BAZ2B: variants seen among roughly 807,000 people sequenced by gnomAD.
BAZ2B encodes bromodomain adjacent to zinc finger domain protein 2B.
In BAZ2B, 91 loss-of-function variants were observed where a neutral mutation model predicts 246.0. That is an observed-to-expected ratio of 0.37 (90% confidence interval 0.31 to 0.44). BAZ2B has a LOEUF of 0.44. Ranked by LOEUF, BAZ2B falls within the 20% of genes least tolerant of loss-of-function variation. The pLI, the probability that BAZ2B is intolerant of heterozygous loss-of-function variation, is 1.00. For missense variants in BAZ2B, 2,332 were observed against 2,533.7 expected (o/e 0.92, Z 1.71); for synonymous variants, 855 against 860.0 (o/e 0.99, Z 0.10).
At chr2:159,495,428 T>G in intron 2 of BAZ2B, among the ~76,000 whole-genome samples, 4 of 124,404 alleles carry the variant, frequency 3.2e-5, no homozygotes, top group African/African-American at 1.3e-4. Flanking sequence ...GAGCTTGCAG[T>G]GAGCCGAGAT....
intron 1 of BAZ2B, among the ~76,000 whole-genome samples, chr2:159,608,614 A>G (rs1230378057): frequency 6.6e-6 from 1 of 152,234 alleles, no homozygotes; most frequent in Non-Finnish European, 1.5e-5. Context: ...GAAATAAATG[A>G]AAGGACAATA....
intron 27 of BAZ2B, among the ~76,000 whole-genome samples, chr2:159,369,074 C>T (rs968002): frequency 0.66 from 100,332 of 151,928 alleles, 35,365 homozygotes; most frequent in Non-Finnish European, 0.81. Context: ...TATTAATGTG[C>T]TAAAATAATG....
the BAZ2B span, among the ~76,000 whole-genome samples, chr2:159,686,842 A>G: frequency 1.3e-5 from 2 of 152,062 alleles, no homozygotes; most frequent in Non-Finnish European, 2.9e-5. Context: ...GGAGATCGAG[A>G]CCACCCTGGC....
At chr2:159,466,236 C>T (rs773250171) in intron 3 of BAZ2B, among the ~76,000 whole-genome samples, 4 of 152,148 alleles carry the variant, frequency 2.6e-5, no homozygotes, top group Non-Finnish European at 4.4e-5. Context: ...GCTTATGATG[C>T]CCATCCCCAA....
chr2:159,587,678 G>A (rs1431025327), intron 1 of BAZ2B, among the ~76,000 whole-genome samples: 2 of 151,902 alleles, frequency 1.3e-5, no homozygotes, highest in Admixed American at 6.6e-5. Flanking sequence ...CCCCTCTCAG[G>A]GCTACCTTTT....
rs371876436 is a variant in BAZ2B, at chr2:159,398,844, G to A, written c.2949C>T (p.Ala983=). ...CTAAACTAACCTTTATTCGTTTCTC[G>A]GCCTCCAATAATTTGGCATTTGCCG... ...EEAANAKLLE[A]EKRIKEKEMR... is the part of the protein sequence containing the mutation. The change falls in exon 18 of 37, where the codon GCC becomes GCT. Residue 983 remains alanine (A), a synonymous_variant. Coordinates refer to ENST00000392783, the MANE Select transcript of BAZ2B (RefSeq NM_013450.4). The A allele has an allele frequency of 6.2e-6, 10 of 1,608,846 alleles. No homozygotes were observed. Among genetic ancestry groups the A allele is most frequent in the African/African-American group, 2.7e-5 (2 of 74,598 alleles).
intron 27 of BAZ2B, among the ~76,000 whole-genome samples, chr2:159,355,041 T>C (rs1443645525): frequency 1.3e-5 from 2 of 152,234 alleles, no homozygotes; most frequent in African/African-American, 4.8e-5. Flanking sequence ...CACGGGATTC[T>C]GGGGGTCAAT....
intron 3 of BAZ2B, chr2:159,460,717 A>G (rs2076310774): frequency 6.6e-6 from 1 of 152,132 alleles, no homozygotes; most frequent in South Asian, 2.1e-4. Flanking sequence ...AATCAAAGCA[A>G]TATTCAAATT....
intron 11 of BAZ2B, 97 bp downstream of exon 11, chr2:159,429,103 T>G: frequency 2.4e-6 from 2 of 816,896 alleles, no homozygotes; most frequent in Non-Finnish European, 3.7e-6. Context: ...AGCTATGTAC[T>G]TCTTCTATTA....
intron 2 of BAZ2B, among the ~76,000 whole-genome samples, chr2:159,483,453 G>C (rs1337085330): frequency 6.6e-6 from 1 of 152,040 alleles, no homozygotes; most frequent in African/African-American, 2.4e-5. Flanking sequence ...GCCTGTCTTC[G>C]CCTCCCAAAG....
chr2:159,712,005 G>A, the BAZ2B span: 2 of 152,104 alleles, frequency 1.3e-5, no homozygotes, highest in Non-Finnish European at 2.9e-5. Context: ...AGGGCGGGCA[G>A]GGAAGCAAGC....
chr2:159,485,186 C>A (rs2079680548), intron 2 of BAZ2B, among the ~76,000 whole-genome samples: 1 of 152,054 alleles, frequency 6.6e-6, no homozygotes, highest in African/African-American at 2.4e-5. Flanking sequence ...AGACAACTTC[C>A]AGGCAACTGA....
chr2:159,651,859 T>C, the BAZ2B span, among the ~76,000 whole-genome samples: 3 of 152,216 alleles, frequency 2.0e-5, no homozygotes, highest in Admixed American at 2.0e-4. Flanking sequence ...TGATCCATAT[T>C]GTAGCATTTA....
At chr2:159,456,753 T>C (rs914359294) in intron 3 of BAZ2B, among the ~76,000 whole-genome samples, 3 of 152,176 alleles carry the variant, frequency 2.0e-5, no homozygotes, top group African/African-American at 7.2e-5. Flanking sequence ...CGACTGAGTC[T>C]TACAGGTCCA....
chr2:159,351,508 T>C (rs1002625302), intron 27 of BAZ2B, among the ~76,000 whole-genome samples: 2 of 152,166 alleles, frequency 1.3e-5, no homozygotes, highest in African/African-American at 4.8e-5. Flanking sequence ...ATGTGTACTT[T>C]TCAGAGTTTT....
At chr2:159,352,038 C>T (rs562748391) in intron 27 of BAZ2B, among the ~76,000 whole-genome samples, 14 of 152,286 alleles carry the variant, frequency 9.2e-5, no homozygotes, top group South Asian at 4.1e-4. Context: ...CACTTTTCTG[C>T]GGCTTAGAAT....
intron 2 of BAZ2B, among the ~76,000 whole-genome samples, chr2:159,484,209 C>T (rs1305279587): frequency 6.6e-6 from 1 of 152,082 alleles, no homozygotes; most frequent in Non-Finnish European, 1.5e-5. Flanking sequence ...AAACTCTGAT[C>T]TAAAATATCA....
At chr2:159,363,170 C>G (rs3755427) in intron 27 of BAZ2B, among the ~76,000 whole-genome samples, 1 of 151,986 alleles carries the variant, frequency 6.6e-6, no homozygotes, top group Non-Finnish European at 1.5e-5. Flanking sequence ...TCTGGGTTGA[C>G]TAATAACACT....
intron 31 of BAZ2B, among the ~76,000 whole-genome samples, chr2:159,342,574 C>G (rs2066920730): frequency 6.6e-6 from 1 of 152,190 alleles, no homozygotes; most frequent in South Asian, 2.1e-4. Context: ...GCATGAGCCA[C>G]TGTGTCCGGC....
Sources: allele counts gnomAD v4.1 joint callset (sites outside exome capture counted in the v4.1 genomes callset), GRCh38; gene constraint gnomAD v4.1.1; transcripts MANE v1.5; gene names NCBI Gene and HGNC (gene_info 2026-07-23, HGNC 2026-07-21).